RYR2: variants seen among roughly 807,000 people sequenced by gnomAD.
The protein encoded by RYR2 is ryanodine receptor 2.
RYR2 carries 227 observed loss-of-function variants against 601.1 expected under a neutral mutation model. That is an observed-to-expected ratio of 0.38 (90% CI 0.34 to 0.42). The LOEUF (loss-of-function observed/expected upper bound fraction) is 0.42. RYR2 is among the 10% of genes least tolerant of loss of function. RYR2 has a pLI of 1.00. For missense variants in RYR2, 4,646 were observed against 6,156.5 expected (o/e 0.75, Z 8.21); for synonymous variants, 2,223 against 2,175.1 (o/e 1.02, Z -0.61).
At chr1:237,294,278 AGACT>A (rs903391494) in intron 2 of RYR2, among the ~76,000 whole-genome samples, 2 of 152,074 alleles carry the variant, frequency 1.3e-5, no homozygotes, top group African/African-American at 4.8e-5. Flanking sequence ...GTTCATGGAG[AGACT>A]GACTGTGCTT....
chr1:237,569,758 G>T (rs1445026508), intron 29 of RYR2, among the ~76,000 whole-genome samples: 1 of 152,174 alleles, frequency 6.6e-6, no homozygotes, highest in Admixed American at 6.5e-5. Context: ...TCCTATCTTT[G>T]TATAGATTAC....
chr1:237,168,717 G>A (rs1012935856), intron 1 of RYR2, among the ~76,000 whole-genome samples: 28 of 151,946 alleles, frequency 1.8e-4, no homozygotes, highest in African/African-American at 5.3e-4. Context: ...TGTGTGTGCC[G>A]GCATAAAGAA....
At chr1:237,628,203 A>G (rs1679879021) in intron 41 of RYR2, 123 bp downstream of exon 41, 1 of 1,141,790 alleles carries the variant, frequency 8.8e-7, no homozygotes, top group Non-Finnish European at 1.2e-6. Context: ...TTATTATACT[A>G]AATAGCTTTT....
intron 25 of RYR2, among the ~76,000 whole-genome samples, chr1:237,537,433 C>G (rs1015560225): frequency 6.6e-6 from 1 of 152,238 alleles, no homozygotes; most frequent in East Asian, 1.9e-4. Flanking sequence ...AAGCAATTCT[C>G]CTGCCTCAGC....
chr1:237,054,222 T>C (rs1185521523), intron 1 of RYR2, among the ~76,000 whole-genome samples: 1 of 147,728 alleles, frequency 6.8e-6, no homozygotes, highest in Admixed American at 6.7e-5. Flanking sequence ...CCTTCCTTTT[T>C]CTTCCCTCCT....
At chr1:237,300,643 A>G (rs576127585) in intron 2 of RYR2, among the ~76,000 whole-genome samples, 1 of 152,168 alleles carries the variant, frequency 6.6e-6, no homozygotes, top group Non-Finnish European at 1.5e-5. Context: ...TTCAGTGCTG[A>G]GTTAGGCAAA....
intron 1 of RYR2, among the ~76,000 whole-genome samples, chr1:237,104,579 T>A (rs921964041): frequency 6.6e-6 from 1 of 152,222 alleles, no homozygotes; most frequent in Non-Finnish European, 1.5e-5. Flanking sequence ...TGCCTTTTTT[T>A]CTTTGCCCGG....
chr1:237,376,450 G>A (rs1159912671), intron 7 of RYR2, among the ~76,000 whole-genome samples: 1 of 150,708 alleles, frequency 6.6e-6, no homozygotes, highest in African/African-American at 2.5e-5. Context: ...TGGCATTGAG[G>A]AATTAGGAAA....
At chr1:237,587,977 G>A (rs75798536) in intron 29 of RYR2, among the ~76,000 whole-genome samples, 6,494 of 152,190 alleles carry the variant, frequency 0.043, 419 homozygotes, top group African/African-American at 0.14. Flanking sequence ...TTCTGTTAAT[G>A]CAGTTCAAGC....
intron 40 of RYR2, among the ~76,000 whole-genome samples, chr1:237,626,128 G>A (rs757792668): frequency 7.2e-5 from 11 of 152,138 alleles, no homozygotes; most frequent in Non-Finnish European, 1.5e-4. Context: ...ATATGAGGTC[G>A]ATTTTCAAAT....
chr1:237,331,715 C>T (rs951835945), intron 3 of RYR2, among the ~76,000 whole-genome samples: 6 of 151,214 alleles, frequency 4.0e-5, no homozygotes, highest in Middle Eastern at 3.2e-3. Flanking sequence ...GGGGTTTCAC[C>T]ATGTTGGCCA....
intron 1 of RYR2, among the ~76,000 whole-genome samples, chr1:237,157,295 C>CAAAAAAAAAAAAAAAAAAAAAAAAA (rs33922740): frequency 1.9e-4 from 12 of 63,506 alleles, no homozygotes; most frequent in South Asian, 8.4e-4. Flanking sequence ...GACTCCATCT[C>CAAAAAAAAAAAAAAAAAAAAAAAAA]AAAAAAAAAA....
chr1:237,820,003 G>A (rs1645359573), intron 101 of RYR2, among the ~76,000 whole-genome samples: 1 of 151,950 alleles, frequency 6.6e-6, no homozygotes, highest in Admixed American at 6.6e-5. Context: ...CCTGGCCAAT[G>A]TGGTGAAACC....
In RYR2 at chr1:237,328,405, T is replaced by G. The variant is rs566615144; in HGVS notation, c.169-2473T>G. On this transcript the variant is annotated intron_variant, in intron 2 of 104. Transcript: ENST00000366574. ...TAGAAGAGAGTCCTTTTCCTAGCCT[T>G]TGAACTTTTATATGAGGATTTTAGA... Among the ~76,000 whole-genome samples, 45 of 149,774 alleles carry G rather than the reference T, an allele frequency of 3.0e-4. No individual in the cohort carries two copies. The South Asian group carries it at 9.2e-3, about 31-fold the overall frequency.
At chr1:237,224,011 A>G (rs1684097263) in intron 1 of RYR2, among the ~76,000 whole-genome samples, 1 of 152,210 alleles carries the variant, frequency 6.6e-6, no homozygotes, top group Non-Finnish European at 1.5e-5. Context: ...AGAGAATGGA[A>G]TCTAACTCAT....
At chr1:237,671,523 G>A (rs936181228) in intron 58 of RYR2, among the ~76,000 whole-genome samples, 4 of 144,582 alleles carry the variant, frequency 2.8e-5, no homozygotes, top group African/African-American at 1.0e-4. Flanking sequence ...GTGTGTGCGT[G>A]TGTGTGTGTG....
rs771821687 is a variant in RYR2 at position 237,530,475 on chromosome 1, T to G, written c.2871T>G (p.Ala957=). The part of the protein sequence containing the change: ...GCHVGISDEH[A]EDKVKKMKLP... ...ATGTGGGTATATCAGATGAACATGC[T>G]GAAGACAAGGTGAAAAAAATGAAGC... The change falls in exon 25 of 105, where the codon GCT becomes GCG. Residue 957 remains alanine, a synonymous_variant. Coordinates refer to ENST00000366574, the MANE Select transcript of RYR2 (RefSeq NM_001035.3). 24 of 1,608,786 alleles carry G rather than the reference T, an allele frequency of 1.5e-5. No homozygotes were observed. In the South Asian group the frequency reaches 1.7e-4, roughly 11 times the overall value.
At chr1:237,385,060 T>C (rs1701857531) in intron 8 of RYR2, among the ~76,000 whole-genome samples, 1 of 152,022 alleles carries the variant, frequency 6.6e-6, no homozygotes, top group Admixed American at 6.6e-5. Flanking sequence ...TGGCTAATTT[T>C]TTGTATTTTT....
intron 1 of RYR2, among the ~76,000 whole-genome samples, chr1:237,072,975 T>C (rs75606339): frequency 0.14 from 20,826 of 146,882 alleles, 1,569 homozygotes; most frequent in Middle Eastern, 0.2. Flanking sequence ...CAAAAACTCA[T>C]CTGTTAGTAT....
Sources: gnomAD v4.1 joint callset for allele counts (sites outside exome capture counted in the v4.1 genomes callset) on GRCh38, gnomAD v4.1.1 for gene constraint, MANE v1.5 for transcripts, NCBI Gene and HGNC (gene_info 2026-07-23, HGNC 2026-07-21) for gene names.